The following COL27A1 variants were observed in gnomAD, a reference collection of about 807,000 sequenced individuals.
COL27A1 encodes collagen alpha-1(XXVII) chain.
Under a neutral mutation model 251.3 loss-of-function variants are expected in COL27A1, and 106 were observed. That is an observed-to-expected ratio of 0.42 (90% CI 0.36 to 0.50). The LOEUF (loss-of-function observed/expected upper bound fraction) is 0.50. Ranked by LOEUF, COL27A1 falls within the 20% of genes least tolerant of loss-of-function variation. The pLI is 0.00. For synonymous variants in COL27A1, 1,000 were observed against 986.3 expected, an observed-to-expected ratio of 1.01 and a Z score of -0.26; for missense variants, 2,325 against 2,522.8, an observed-to-expected ratio of 0.92 and a Z score of 1.68.
intron 31 of COL27A1, 51 bp downstream of exon 31, chr9:114,265,161 TGGGGGGC>T: frequency 2.0e-6 from 1 of 508,626 alleles, no homozygotes; most frequent in Non-Finnish European, 3.8e-6. Context: ...TTGATGGGGG[TGGGGGGC>T]GGGTGCGGTG....
intron 7 of COL27A1, among the ~76,000 whole-genome samples, chr9:114,204,292 G>C (rs146807554): frequency 6.6e-6 from 1 of 152,294 alleles, no homozygotes; most frequent in Non-Finnish European, 1.5e-5. Context: ...GATGAGTGTG[G>C]CTACCCTGTG....
At chr9:114,296,855 A>G (rs1828291615) in intron 49 of COL27A1, among the ~76,000 whole-genome samples, 1 of 152,260 alleles carries the variant, frequency 6.6e-6, no homozygotes, top group South Asian at 2.1e-4. Flanking sequence ...TTGCAATGAA[A>G]TACAATTCAT....
At chr9:114,305,452 C>T (rs776463027) in intron 57 of COL27A1, among the ~76,000 whole-genome samples, 2 of 152,158 alleles carry the variant, frequency 1.3e-5, no homozygotes, top group African/African-American at 4.8e-5. Context: ...CACAGGAGAG[C>T]GCTGACCTGC....
chr9:114,223,076 T>C (rs1032859675), intron 14 of COL27A1, among the ~76,000 whole-genome samples: 3 of 151,932 alleles, frequency 2.0e-5, no homozygotes, highest in African/African-American at 7.3e-5. Flanking sequence ...GGAGTGGTTC[T>C]AGCCAAAGCC....
intron 16 of COL27A1, among the ~76,000 whole-genome samples, chr9:114,233,558 A>G (rs754916577): frequency 3.3e-5 from 5 of 152,206 alleles, no homozygotes; most frequent in Non-Finnish European, 7.3e-5. Flanking sequence ...GGTTTGAGAC[A>G]TCAGCGCTCT....
At chr9:114,275,815 G>A (rs1835465018) in intron 37 of COL27A1, 47 bp downstream of exon 37, 1 of 1,292,460 alleles carries the variant, frequency 7.7e-7, no homozygotes, top group African/African-American at 1.5e-5. Flanking sequence ...GGGGTACCCT[G>A]AACTCTCATG....
At chr9:114,231,751 G>A (rs1379284509) in intron 15 of COL27A1, 71 bp from the exon 16 acceptor site, 1 of 1,528,756 alleles carries the variant, frequency 6.5e-7, no homozygotes, top group Non-Finnish European at 9.1e-7. Flanking sequence ...AGCAAGTCGT[G>A]TTTAAGCCAG....
At chr9:114,266,128 C>T (rs1834725267) in intron 32 of COL27A1, among the ~76,000 whole-genome samples, 2 of 152,086 alleles carry the variant, frequency 1.3e-5, no homozygotes, top group Non-Finnish European at 2.9e-5. Context: ...CTGCACAGGG[C>T]AGGGGAGGAC....
At chr9:114,189,838 G>A (rs1828625174) in intron 5 of COL27A1, among the ~76,000 whole-genome samples, 1 of 151,902 alleles carries the variant, frequency 6.6e-6, no homozygotes. Flanking sequence ...TTTACTTTTT[G>A]TATTTAATTT....
rs145560419 is a variant in COL27A1, at chr9:114,169,121, C to G, written c.1566C>G (p.Ala522=). 3.7e-6 allele frequency: 6 copies of G among 1,614,028 alleles called. No homozygotes were observed. Among genetic ancestry groups the G allele is most frequent in the Admixed American group, 3.3e-5 (2 of 60,004 alleles). Residue 522 remains alanine (A), a synonymous_variant, in exon 3 of 61, where the codon GCC becomes GCG. Transcript: ENST00000356083. The part of the protein sequence containing the change: ...SGTSTPRTAP[A]VPTPGSAPTG... ...CCAGCACTCCCAGAACAGCACCTGC[C>G]GTCCCCACTCCTGGCTCAGCTCCCA...
intron 40 of COL27A1, among the ~76,000 whole-genome samples, chr9:114,284,295 G>C (rs1836117478): frequency 6.6e-6 from 1 of 152,244 alleles, no homozygotes; most frequent in South Asian, 2.1e-4. Flanking sequence ...CAGCAGGGAA[G>C]GGAGGAGGAG....
intron 28 of COL27A1, among the ~76,000 whole-genome samples, chr9:114,263,491 C>G (rs7032231): frequency 6.6e-6 from 1 of 151,606 alleles, no homozygotes; most frequent in East Asian, 2.0e-4. Flanking sequence ...GGGTTTTTTC[C>G]AGGAGAGCCC....
intron 25 of COL27A1, among the ~76,000 whole-genome samples, chr9:114,251,733 C>A (rs1224079064): frequency 6.6e-6 from 1 of 152,220 alleles, no homozygotes; most frequent in Non-Finnish European, 1.5e-5. Context: ...CTGCCTCCAC[C>A]CTTTCTGCCC....
intron 11 of COL27A1, 145 bp from the exon 12 acceptor site, chr9:114,210,837 A>AT: frequency 1.4e-6 from 1 of 722,914 alleles, no homozygotes; most frequent in South Asian, 1.6e-5. Flanking sequence ...TCTGATGTGC[A>AT]TGTCACTGGG....
At chr9:114,187,407 C>A (rs1435270066) in intron 5 of COL27A1, among the ~76,000 whole-genome samples, 2 of 152,244 alleles carry the variant, frequency 1.3e-5, no homozygotes, top group African/African-American at 4.8e-5. Context: ...CTTTGAGCAA[C>A]CTTTGGGCCA....
At chr9:114,158,715 C>T (rs1470479639) in intron 1 of COL27A1, among the ~76,000 whole-genome samples, 1 of 152,184 alleles carries the variant, frequency 6.6e-6, no homozygotes, top group Non-Finnish European at 1.5e-5. Flanking sequence ...GGCAGGGCCT[C>T]CCTCTGAGAG....
Position 114,162,749 on chromosome 9 carries a change from G to T in COL27A1, c.97G>T (p.Ala33Ser), listed in dbSNP as rs1269746987. The T allele has an allele frequency of 5.6e-6, 9 of 1,612,764 alleles. No individual in the cohort carries two copies. In the African/African-American group the frequency reaches 6.7e-5, roughly 12 times the overall value. Residue 33 changes from alanine (A) to serine (S), a missense_variant, in exon 2 of 61, where the codon GCC becomes TCC. Transcript: ENST00000356083. The part of the protein sequence containing the change: ...FLFSWILVSF[A>S]CHLASTQGAP... ...CTTCTCCTGGATCTTAGTCTCGTTT[G>T]CCTGTCACCTGGCCTCCACCCAAGG...
At chr9:114,243,382 C>T in intron 22 of COL27A1, 125 bp from the exon 23 acceptor site, 1 of 768,060 alleles carries the variant, frequency 1.3e-6, no homozygotes, top group Admixed American at 2.1e-5. Flanking sequence ...GTTATATGCC[C>T]CTGTCCACCA....
chr9:114,172,071 A>G (rs1849362249), intron 3 of COL27A1, among the ~76,000 whole-genome samples: 1 of 152,164 alleles, frequency 6.6e-6, no homozygotes, highest in South Asian at 2.1e-4. Flanking sequence ...CCCGGGTGAC[A>G]TCCCTGTCTC....
Sources: allele counts gnomAD v4.1 joint callset (sites outside exome capture counted in the v4.1 genomes callset), GRCh38; gene constraint gnomAD v4.1.1; transcripts MANE v1.5; gene names NCBI Gene and HGNC (gene_info 2026-07-23, HGNC 2026-07-21).